The following SGCZ variants were observed in gnomAD, a reference collection of about 807,000 sequenced individuals.
SGCZ encodes the protein sarcoglycan zeta, also known as zeta-sarcoglycan.
In SGCZ, 40 loss-of-function variants were observed where a neutral mutation model predicts 41.3. The ratio of observed to expected loss-of-function variants is 0.97; its 90% CI spans 0.75 to 1.26. The LOEUF is 1.26. SGCZ is among the 50% of genes most tolerant of loss of function. The probability of loss-of-function intolerance (pLI) is 0.00; values close to 1 mark genes in which losing one functional copy is unlikely to be tolerated. For synonymous variants in SGCZ, 206 were observed against 137.5 expected (o/e 1.50, Z -3.49); for missense variants, 552 against 369.8 (o/e 1.49, Z -4.04).
chr8:14,420,523 G>T (rs17301830), intron 2 of SGCZ, among the ~76,000 whole-genome samples: 2 of 152,026 alleles, frequency 1.3e-5, no homozygotes, highest in African/African-American at 2.4e-5. Context: ...ACATTTTCAA[G>T]ATTTTTCTTA....
At chr8:14,375,438 GACTA>G (rs374915944) in intron 2 of SGCZ, among the ~76,000 whole-genome samples, 19 of 152,172 alleles carry the variant, frequency 1.2e-4, no homozygotes, top group East Asian at 5.8e-4. Context: ...TAGGAAGGTT[GACTA>G]ACTACCTATT....
At chr8:14,235,193 T>G (rs1168818952) in intron 4 of SGCZ, among the ~76,000 whole-genome samples, 1 of 152,212 alleles carries the variant, frequency 6.6e-6, no homozygotes, top group African/African-American at 2.4e-5. Flanking sequence ...TAGCTCCCTG[T>G]GGCTTTGTTT....
chr8:14,682,382 T>C (rs376912217), intron 1 of SGCZ, among the ~76,000 whole-genome samples: 1 of 151,964 alleles, frequency 6.6e-6, no homozygotes, highest in East Asian at 1.9e-4. Flanking sequence ...CCACTTTGTA[T>C]AAGTAAAACT....
chr8:14,373,743 G>C (rs1803999286), intron 2 of SGCZ, among the ~76,000 whole-genome samples: 1 of 152,142 alleles, frequency 6.6e-6, no homozygotes, highest in Admixed American at 6.6e-5. Context: ...GAAAGATTGA[G>C]ATGAGAGGAA....
chr8:14,585,268 G>T (rs1467349710), intron 1 of SGCZ, among the ~76,000 whole-genome samples: 2 of 152,044 alleles, frequency 1.3e-5, no homozygotes, highest in Non-Finnish European at 2.9e-5. Flanking sequence ...ACTTCAGACT[G>T]TTTTTGTTTC....
intron 2 of SGCZ, among the ~76,000 whole-genome samples, chr8:14,445,881 C>T (rs1187952151): frequency 3.3e-5 from 5 of 152,256 alleles, no homozygotes; most frequent in South Asian, 4.1e-4. Context: ...CCAGCTGGAT[C>T]CTGCACTCAC....
intron 1 of SGCZ, among the ~76,000 whole-genome samples, chr8:14,966,774 G>A (rs929196843): frequency 1.3e-5 from 2 of 151,994 alleles, no homozygotes; most frequent in African/African-American, 4.8e-5. Context: ...GAAAAGATGT[G>A]TTATCCAAGA....
intron 1 of SGCZ, among the ~76,000 whole-genome samples, chr8:14,695,056 C>T (rs1177392389): frequency 6.6e-6 from 1 of 152,128 alleles, no homozygotes; most frequent in Non-Finnish European, 1.5e-5. Context: ...ACAAACTCCT[C>T]CTCTTGCCTG....
At chr8:14,191,350 A>G (rs28595774) in intron 4 of SGCZ, among the ~76,000 whole-genome samples, 2,629 of 152,164 alleles carry the variant, frequency 0.017, 78 homozygotes, top group African/African-American at 0.059. Flanking sequence ...ATACAACCTC[A>G]CTTATTTTTG....
At chr8:15,021,793 G>C (rs79895607) in intron 1 of SGCZ, among the ~76,000 whole-genome samples, 6,650 of 152,068 alleles carry the variant, frequency 0.044, 226 homozygotes, top group African/African-American at 0.093. Context: ...TATTGTTATT[G>C]TTGTTACTGG....
chr8:14,271,411 A>T (rs747960710), intron 3 of SGCZ, among the ~76,000 whole-genome samples: 30 of 152,230 alleles, frequency 2.0e-4, no homozygotes, highest in Non-Finnish European at 3.7e-4. Context: ...AGTTATCTCC[A>T]TGAAGACTTG....
At position 14,442,626 on chromosome 8, in the gene SGCZ, T is replaced by C. The variant is rs186299270; in HGVS notation, c.234+112106A>G. Among the ~76,000 whole-genome samples, 8 of 152,272 alleles carry C rather than the reference T, an allele frequency of 5.3e-5. No individual in the cohort carries two copies. The East Asian group carries it at 1.5e-3, about 29-fold the overall frequency. On this transcript the variant is annotated intron_variant, in intron 2 of 7. Coordinates refer to ENST00000382080, the MANE Select transcript of SGCZ (RefSeq NM_139167.4). ...TGTTCAAATTATGCTAATGGTCCCT[T>C]ATATAGAGTTGATACTTTCTGCTTT...
At chr8:14,774,573 G>A (rs1800343659) in intron 1 of SGCZ, among the ~76,000 whole-genome samples, 2 of 152,098 alleles carry the variant, frequency 1.3e-5, no homozygotes, top group Non-Finnish European at 2.9e-5. Context: ...CATGGTATTA[G>A]AACAAAGCTT....
intron 2 of SGCZ, among the ~76,000 whole-genome samples, chr8:14,370,184 T>G (rs961262735): frequency 2.6e-5 from 4 of 151,906 alleles, no homozygotes; most frequent in African/African-American, 9.7e-5. Flanking sequence ...TAGGAAAGAC[T>G]AAATTGGTAT....
chr8:14,435,729 A>G (rs1800071670), intron 2 of SGCZ, among the ~76,000 whole-genome samples: 2 of 152,236 alleles, frequency 1.3e-5, no homozygotes, highest in African/African-American at 4.8e-5. Context: ...TAGACATTTG[A>G]ATATGATTAA....
chr8:15,031,934 TCTC>T (rs1803684648), intron 1 of SGCZ, among the ~76,000 whole-genome samples: 3 of 151,682 alleles, frequency 2.0e-5, no homozygotes, highest in African/African-American at 7.3e-5. Flanking sequence ...TCTCTCTCTC[TCTC>T]TGTCTGTCTG....
intron 1 of SGCZ, among the ~76,000 whole-genome samples, chr8:14,925,520 G>A (rs1427393272): frequency 1.3e-5 from 2 of 152,158 alleles, no homozygotes; most frequent in Non-Finnish European, 2.9e-5. Context: ...TCATTCTCAA[G>A]GAGATGCATT....
chr8:15,150,266 G>C (rs907542707), intron 1 of SGCZ, among the ~76,000 whole-genome samples: 5 of 152,040 alleles, frequency 3.3e-5, no homozygotes, highest in Non-Finnish European at 7.4e-5. Flanking sequence ...TTTTTACAAA[G>C]TTATTACAAT....
chr8:14,641,989 G>C (rs1230016494), intron 1 of SGCZ, among the ~76,000 whole-genome samples: 1 of 151,578 alleles, frequency 6.6e-6, no homozygotes, highest in Non-Finnish European at 1.5e-5. Context: ...GGGATGCAAG[G>C]CCTTGGAAAA....
Sources: gnomAD v4.1 joint callset for allele counts (sites outside exome capture counted in the v4.1 genomes callset) on GRCh38, gnomAD v4.1.1 for gene constraint, MANE v1.5 for transcripts, NCBI Gene and HGNC (gene_info 2026-07-23, HGNC 2026-07-21) for gene names.